ENDOG: variants seen among roughly 807,000 people sequenced by gnomAD.
The protein encoded by ENDOG is endonuclease G, mitochondrial.
ENDOG carries 22 observed loss-of-function variants against 22.6 expected under a neutral mutation model. The ratio of observed to expected loss-of-function variants is 0.97; its 90% CI spans 0.70 to 1.39. The LOEUF is 1.39. Ranked by LOEUF, ENDOG falls within the 40% of genes most tolerant of loss-of-function variation. The probability of loss-of-function intolerance (pLI) is 0.00; values close to 1 mark genes in which losing one functional copy is unlikely to be tolerated. For synonymous variants in ENDOG, 173 were observed against 200.2 expected (o/e 0.86, Z 1.15); for missense variants, 403 against 431.3 (o/e 0.93, Z 0.58).
intron 1 of ENDOG, 111 bp from the exon 2 acceptor site, chr9:128,820,628 T>C (rs1480298619): frequency 3.5e-5 from 30 of 852,024 alleles, no homozygotes; most frequent in Non-Finnish European, 5.6e-5. Context: ...CCCCCGCTTG[T>C]CTCACTGGAT....
chr9:128,821,041 C>T, intron 2 of ENDOG, 193 bp downstream of exon 2: 1 of 597,882 alleles, frequency 1.7e-6, no homozygotes, highest in Non-Finnish European at 3.0e-6. Flanking sequence ...CTGTCGGGTA[C>T]CCCTGACCAT....
At position 128,822,389 on chromosome 9, in the gene ENDOG, G is replaced by A; in HGVS notation, c.673G>A (p.Val225Met). The change falls in exon 3 of 3, where the codon GTG (valine) becomes ATG (methionine). Residue 225 changes from valine (V) to methionine (M), a missense_variant. Transcript: ENST00000372642. ...GGTCATCGGCAAGAACCACGTGGCA[G>A]TGCCCACACACTTCTTCAAGGTGCT... ...YQVIGKNHVA[V>M]PTHFFKVLIL... The A allele has an allele frequency of 6.2e-7, 1 of 1,613,506 alleles. No individual in the cohort carries two copies. The highest frequency in any genetic ancestry group is 1.1e-5 in the South Asian group (1 of 90,918).
intron 1 of ENDOG, 64 bp from the exon 2 acceptor site, chr9:128,820,674 CG>C (rs1431955559): frequency 7.3e-7 from 1 of 1,365,950 alleles, no homozygotes; most frequent in African/African-American, 1.4e-5. Context: ...GGACCTGGGG[CG>C]GCCCTCTGAT....
In ENDOG at chr9:128,819,090, G is replaced by A. The variant is rs960161951; in HGVS notation, c.406G>A (p.Gly136Ser). ...RATNADYRGS[G>S]FDRGHLAAAA... is the part of the protein sequence containing the mutation. Reference sequence around the variant, plus strand: ...CACCAACGCCGACTACCGCGGCAGTGGCTTCGACCGCGGTCACCTGGCCGC... The same window carrying A: ...CACCAACGCCGACTACCGCGGCAGTAGCTTCGACCGCGGTCACCTGGCCGC... Residue 136 changes from glycine to serine, a missense_variant, in exon 1 of 3, where the codon GGC (glycine) becomes AGC (serine). By Grantham distance (56) the Gly-to-Ser change is moderately conservative. Transcript: ENST00000372642. 3.3e-6 allele frequency: 5 copies of A among 1,519,302 alleles called. No individual in the cohort carries two copies. The African/African-American group carries it at 5.8e-5, about 18-fold the overall frequency. 94.1% of individuals were successfully genotyped at this position (1,519,302 alleles called of 1,614,324 possible).
At position 128,822,512 on chromosome 9, in the gene ENDOG, C is replaced by T; in HGVS notation, c.796C>T (p.Pro266Ser). Residue 266 changes from proline (P) to serine (S), a missense_variant, in exon 3 of 3, where the codon CCC becomes TCC. By Grantham distance (74) the Pro-to-Ser change is moderately conservative (BLOSUM62 -1). Coordinates refer to ENST00000372642, the MANE Select transcript of ENDOG (RefSeq NM_004435.2). ...EAIPLERFLV[P>S]IESIERASGL... ...CATCCCACTGGAGCGCTTCCTGGTG[C>T]CCATCGAGAGCATTGAGCGGGCTTC... 3 of 1,560,888 alleles carry T rather than the reference C, an allele frequency of 1.9e-6. No individual in the cohort carries two copies. Among genetic ancestry groups the T allele is most frequent in the South Asian group, 1.2e-5 (1 of 84,892 alleles).
Position 128,818,751 on chromosome 9 carries a change from T to TGGCGGC in ENDOG, c.76_81dup (p.Arg26_Arg27dup), listed in dbSNP as rs955220372. On this transcript the variant is annotated inframe_insertion, in exon 1 of 3. Coordinates refer to ENST00000372642, the MANE Select transcript of ENDOG (RefSeq NM_004435.2). ...GGGGCTGGGTGCGGTCGTCGAGGGC[T>TGGCGGC]GGCGGCGGCGGCGGGAGGACGCGCG... The TGGCGGC allele has an allele frequency of 6.0e-6, 7 of 1,166,480 alleles. No individual in the cohort carries two copies. The highest frequency in any genetic ancestry group is 7.4e-6 in the Non-Finnish European group (7 of 945,796). The allele number at this position is 1,166,480 out of a possible 1,614,324, so 72.3% of individuals were successfully genotyped here. A position where few individuals can be genotyped will look rare whatever the true frequency, so the allele number is the denominator to read the frequency against.
In ENDOG at chr9:128,820,753, C is replaced by A; in HGVS notation, c.516C>A (p.Asn172Lys). The part of the protein sequence containing the change: ...SNVAPQVPHL[N>K]QNAWNNLEKY... Reference sequence around the variant, plus strand: ...TCTCCTACCAGGTGCCCCACCTCAACCAGAATGCCTGGAACAACCTGGAGA... The same window carrying A: ...TCTCCTACCAGGTGCCCCACCTCAAACAGAATGCCTGGAACAACCTGGAGA... The change falls in exon 2 of 3, where the codon AAC (asparagine) becomes AAA (lysine). Residue 172 changes from asparagine to lysine, a missense_variant. Coordinates refer to ENST00000372642, the MANE Select transcript of ENDOG (RefSeq NM_004435.2). 1 of 1,611,020 alleles carries A rather than the reference C, an allele frequency of 6.2e-7. No homozygotes were observed. Among genetic ancestry groups the A allele is most frequent in the Non-Finnish European group, 8.5e-7 (1 of 1,178,536 alleles).
Position 128,822,645 on chromosome 9 carries a change from G to T in ENDOG, c.*35G>T, listed in dbSNP as rs973225172. ...CCAGTGAGACTGTGGGTGTGTGCAG[G>T]CCGGGGAGTATTAAAGGTGGTGATT... is the stretch of plus-strand genomic sequence containing the variant. On this transcript the variant is annotated 3_prime_UTR_variant, in exon 3 of 3. Transcript: ENST00000372642. 2 of 1,557,352 alleles carry T rather than the reference G, an allele frequency of 1.3e-6. No homozygotes were observed. Among genetic ancestry groups the T allele is most frequent in the African/African-American group, 2.7e-5 (2 of 73,646 alleles).
chr9:128,819,275 G>C (rs1830057427), intron 1 of ENDOG, 90 bp downstream of exon 1: 2 of 1,372,160 alleles, frequency 1.5e-6, no homozygotes, highest in Non-Finnish European at 1.9e-6. Flanking sequence ...GAACGGGGCA[G>C]CTGCCCAACG....
intron 2 of ENDOG, chr9:128,821,523 G>T (rs749091591): frequency 1.9e-5 from 3 of 154,706 alleles, no homozygotes; most frequent in Non-Finnish European, 2.9e-5. Context: ...TTTGAATCTA[G>T]ATCTGCCTGA....
chr9:128,822,495 TG>T lies in ENDOG; in HGVS notation c.781del (p.Glu261SerfsTer43), dbSNP rs1830140817. On this transcript the variant is annotated frameshift_variant, in exon 3 of 3. Coordinates refer to ENST00000372642, the MANE Select transcript of ENDOG (RefSeq NM_004435.2). LOFTEE classifies it high-confidence loss of function. The part of the protein sequence containing the change: ...PNAPVDEAIP[L>X]ERFLVPIESI... ...GCACCTGTGGATGAGGCCATCCCAC[TG>T]GAGCGCTTCCTGGTGCCCATCGAGA... The T allele has an allele frequency of 1.3e-6, 2 of 1,563,458 alleles. No individual in the cohort carries two copies. Among genetic ancestry groups the T allele is most frequent in the Admixed American group, 1.9e-5 (1 of 51,882 alleles).
rs773548246 is a variant in ENDOG at position 128,820,826 on chromosome 9, A to C, written c.589A>C (p.Thr197Pro). ...TRSYQNVYVC[T>P]GPLFLPRTEA... ...CAGCTACCAAAACGTCTATGTCTGC[A>C]CAGGGCCACTCTTCCTGCCCAGGTA... Residue 197 changes from threonine (T) to proline (P), a missense_variant, in exon 2 of 3, where the codon ACA becomes CCA. By Grantham distance (38) the Thr-to-Pro change is conservative. Coordinates refer to ENST00000372642, the MANE Select transcript of ENDOG (RefSeq NM_004435.2). The C allele has an allele frequency of 2.5e-6, 4 of 1,610,924 alleles. No individual in the cohort carries two copies. The East Asian group carries it at 8.9e-5, about 36-fold the overall frequency.
At chr9:128,822,276 G>A in intron 2 of ENDOG, 52 bp from the exon 3 acceptor site, 2 of 1,584,448 alleles carry the variant, frequency 1.3e-6, no homozygotes, top group East Asian at 4.5e-5. Context: ...GGAAGAGGTG[G>A]CTTTGGGTTC....
At chr9:128,819,245 C>T (rs1435590842) in intron 1 of ENDOG, 60 bp downstream of exon 1, 2 of 1,404,118 alleles carry the variant, frequency 1.4e-6, no homozygotes, top group Non-Finnish European at 1.8e-6. Context: ...CCTCGCGGGG[C>T]CTCGGTTTGT....
chr9:128,820,972 G>A, intron 2 of ENDOG, 124 bp downstream of exon 2: 1 of 850,192 alleles, frequency 1.2e-6, no homozygotes. Flanking sequence ...CTGGTTTCTT[G>A]GCAAGCCTGT....
intron 2 of ENDOG, 176 bp from the exon 3 acceptor site, chr9:128,822,152 C>G (rs1830132389): frequency 4.2e-6 from 3 of 721,924 alleles, no homozygotes; most frequent in African/African-American, 3.6e-5. Flanking sequence ...AGTTAACCAC[C>G]CTGGAGAGAG....
chr9:128,821,630 A>T, intron 2 of ENDOG: 1 of 154,912 alleles, frequency 6.5e-6, no homozygotes, highest in Admixed American at 6.4e-5. Flanking sequence ...TGGCCTGCAG[A>T]GGGCTGGGGC....
At chr9:128,820,957 C>T (rs1218406698) in intron 2 of ENDOG, 109 bp downstream of exon 2, 2 of 973,014 alleles carry the variant, frequency 2.1e-6, no homozygotes, top group East Asian at 5.3e-5. Context: ...CAGTTCCCTA[C>T]TCATCTGGTT....
Position 128,818,578 on chromosome 9 carries a change from TCACGCTATCGTCCGCGGCCCCAGCAGCC to T in ENDOG, c.-105_-78del. 9.6e-7 allele frequency: 1 copy of T among 1,038,034 alleles called. No homozygotes were observed. Among genetic ancestry groups the T allele is most frequent in the Non-Finnish European group, 1.2e-6 (1 of 861,886 alleles). 64.3% of individuals were successfully genotyped at this position (1,038,034 alleles called of 1,614,324 possible). On this transcript the variant is annotated 5_prime_UTR_variant, in exon 1 of 3. Coordinates refer to ENST00000372642, the MANE Select transcript of ENDOG (RefSeq NM_004435.2). ...GCAGTGTTTGTGAGTGGAAGGGAGG[TCACGCTATCGTCCGCGGCCCCAGCAGCC>T]CTGTGCCCTCGTTGGATCCCGCGAC...
Sources: allele counts gnomAD v4.1 joint callset, GRCh38; gene constraint gnomAD v4.1.1; transcripts MANE v1.5; gene names NCBI Gene and HGNC (gene_info 2026-07-23, HGNC 2026-07-21).